ADAMTS3: variants seen among roughly 807,000 people sequenced by gnomAD.
ADAMTS3 encodes the protein A disintegrin and metalloproteinase with thrombospondin motifs 3.
Under a neutral mutation model 129.0 loss-of-function variants are expected in ADAMTS3, and 73 were observed. The ratio of observed to expected loss-of-function variants is 0.57; its 90% CI spans 0.47 to 0.69. The LOEUF (loss-of-function observed/expected upper bound fraction) is 0.69, where lower values mean the gene tolerates loss of function less well. Ranked by LOEUF, ADAMTS3 falls within the 30% of genes least tolerant of loss-of-function variation. The pLI, the probability that ADAMTS3 is intolerant of heterozygous loss-of-function variation, is 0.00. For synonymous variants in ADAMTS3, 477 were observed against 510.8 expected, an observed-to-expected ratio of 0.93 and a Z score of 0.89; for missense variants, 1,457 against 1,514.5, an observed-to-expected ratio of 0.96 and a Z score of 0.63.
rs1427449166 is a variant in ADAMTS3 at position 72,281,307 on chromosome 4, T to C, written c.*1829A>G. On this transcript the variant is annotated 3_prime_UTR_variant, in exon 22 of 22. Transcript: ENST00000286657. ...CTTGCACAAAGTAGCAGCAATTCTT[T>C]AGAGGTATAGAGTCAATAGTTTAAG... is the stretch of plus-strand genomic sequence containing the variant. 1 of 152,608 alleles carries C rather than the reference T, an allele frequency of 6.6e-6. No homozygotes were observed. Among genetic ancestry groups the C allele is most frequent in the Non-Finnish European group, 1.5e-5 (1 of 68,024 alleles). The allele number at this position is 152,608 out of a possible 1,614,324, so 9.5% of individuals were successfully genotyped here. A position where few individuals can be genotyped will look rare whatever the true frequency, so the allele number is the denominator to read the frequency against.
At position 72,450,962 on chromosome 4, in the gene ADAMTS3, AGGC is replaced by A. The variant is rs1227870856; in HGVS notation, c.505-35994_505-35992del. On this transcript the variant is annotated intron_variant, in intron 3 of 21. Transcript: ENST00000286657. ...AAGGAAGGAAGGCAGGCAGGCAGGC[AGGC>A]AAAAAGAAGAGAAGAGAAGAGAAGA... is the stretch of plus-strand genomic sequence containing the variant. 2.5e-3 allele frequency among the ~76,000 whole-genome samples: 377 copies of A among 149,372 alleles called. 2 individuals carry two copies. The highest frequency in any genetic ancestry group is 8.2e-3 in the African/African-American group (336 of 40,896).
intron 3 of ADAMTS3, among the ~76,000 whole-genome samples, chr4:72,521,966 A>T (rs1405639080): frequency 1.3e-5 from 2 of 152,188 alleles, no homozygotes; most frequent in Non-Finnish European, 2.9e-5. Context: ...GCTCTAAAAC[A>T]TCCCATTGAA....
chr4:72,499,671 T>C (rs1719960245), intron 3 of ADAMTS3, among the ~76,000 whole-genome samples: 1 of 152,134 alleles, frequency 6.6e-6, no homozygotes, highest in African/African-American at 2.4e-5. Context: ...TGCAGGTTTG[T>C]TACTTTGGTA....
At chr4:72,516,463 C>A (rs1453626746) in intron 3 of ADAMTS3, among the ~76,000 whole-genome samples, 31 of 152,228 alleles carry the variant, frequency 2.0e-4, no homozygotes, top group East Asian at 1.9e-4. Flanking sequence ...TCTTCCTAAC[C>A]ATGAGCATGG....
At chr4:72,305,855 C>T (rs889275703) in intron 16 of ADAMTS3, 132 bp downstream of exon 16, 69 of 754,402 alleles carry the variant, frequency 9.1e-5, no homozygotes, top group Middle Eastern at 6.8e-4. Context: ...CGTACATATA[C>T]GTATGCACAT....
At chr4:72,486,650 GA>G (rs548139696) in intron 3 of ADAMTS3, among the ~76,000 whole-genome samples, 11 of 152,066 alleles carry the variant, frequency 7.2e-5, no homozygotes, top group African/African-American at 2.7e-4. Context: ...AAATATGAAA[GA>G]AAAAAATAAT....
At chr4:72,530,683 A>C (rs1227086199) in intron 3 of ADAMTS3, among the ~76,000 whole-genome samples, 2 of 87,834 alleles carry the variant, frequency 2.3e-5, no homozygotes, top group Non-Finnish European at 4.1e-5. Context: ...TAATATGTAT[A>C]ATATATATTG....
chr4:72,327,159 A>C (rs1560474034), intron 5 of ADAMTS3, among the ~76,000 whole-genome samples: 1 of 152,174 alleles, frequency 6.6e-6, no homozygotes, highest in Non-Finnish European at 1.5e-5. Flanking sequence ...TCTGATTACA[A>C]AATTACATAG....
chr4:72,476,796 A>G (rs1719246766), intron 3 of ADAMTS3, among the ~76,000 whole-genome samples: 1 of 152,280 alleles, frequency 6.6e-6, no homozygotes, highest in East Asian at 1.9e-4. Context: ...ATATAATGAT[A>G]TAAAAAGAAT....
At position 72,548,674 on chromosome 4, in the gene ADAMTS3, G is replaced by C; in HGVS notation, c.308C>G (p.Ala103Gly). Residue 103 changes from alanine (A) to glycine (G), a missense_variant, in exon 3 of 22, where the codon GCT becomes GGT. Transcript: ENST00000286657. ...LRLKPNTQLV[A>G]PGAVVEWHET... ...ATGCCACTCCACAACAGCCCCAGGAGCTACTAGTTGAGTGTTGGGCTTTAG... is the reference window on the plus strand; with the variant it reads ...ATGCCACTCCACAACAGCCCCAGGACCTACTAGTTGAGTGTTGGGCTTTAG... The C allele has an allele frequency of 6.2e-7, 1 of 1,614,016 alleles. No individual in the cohort carries two copies. The highest frequency in any genetic ancestry group is 8.5e-7 in the Non-Finnish European group (1 of 1,179,930).
intron 3 of ADAMTS3, among the ~76,000 whole-genome samples, chr4:72,435,943 G>A (rs181456267): frequency 0.035 from 5,254 of 151,736 alleles, 307 homozygotes; most frequent in African/African-American, 0.12. Flanking sequence ...ATAGGCATGG[G>A]CAAGGAATTC....
At chr4:72,399,836 T>C (rs1470900966) in intron 4 of ADAMTS3, among the ~76,000 whole-genome samples, 2 of 136,522 alleles carry the variant, frequency 1.5e-5, no homozygotes. Flanking sequence ...CGTGTGTATA[T>C]ATATACACAC....
chr4:72,430,582 C>T (rs1349089766), intron 3 of ADAMTS3, among the ~76,000 whole-genome samples: 1 of 151,952 alleles, frequency 6.6e-6, no homozygotes, highest in Non-Finnish European at 1.5e-5. Context: ...CACACTTGCC[C>T]TCTTGGAATG....
chr4:72,445,941 G>T (rs1387639038), intron 3 of ADAMTS3, among the ~76,000 whole-genome samples: 1 of 151,692 alleles, frequency 6.6e-6, no homozygotes, highest in Non-Finnish European at 1.5e-5. Flanking sequence ...AACTACAAGG[G>T]ATTGAGTACA....
intron 20 of ADAMTS3, among the ~76,000 whole-genome samples, chr4:72,289,325 A>C (rs1017496687): frequency 4.6e-5 from 7 of 152,194 alleles, no homozygotes; most frequent in Non-Finnish European, 7.4e-5. Flanking sequence ...ACCCAATCAT[A>C]GTATTGACAG....
At chr4:72,450,647 C>T (rs988493586) in intron 3 of ADAMTS3, among the ~76,000 whole-genome samples, 2 of 151,630 alleles carry the variant, frequency 1.3e-5, no homozygotes, top group African/African-American at 2.4e-5. Context: ...TAAGAAACTC[C>T]ATGGCAAACT....
intron 3 of ADAMTS3, among the ~76,000 whole-genome samples, chr4:72,470,926 T>C (rs146588228): frequency 2.0e-3 from 312 of 152,292 alleles, no homozygotes; most frequent in African/African-American, 7.1e-3. Flanking sequence ...GTGATATAAA[T>C]AGGAAGTGCA....
intron 4 of ADAMTS3, among the ~76,000 whole-genome samples, chr4:72,394,029 A>C (rs1271470027): frequency 6.6e-6 from 1 of 152,212 alleles, no homozygotes; most frequent in Admixed American, 6.5e-5. Context: ...ATTTTCCCAC[A>C]GGAAGGAACA....
chr4:72,323,589 T>G (rs554201253), intron 5 of ADAMTS3, among the ~76,000 whole-genome samples: 14 of 152,154 alleles, frequency 9.2e-5, no homozygotes, highest in Non-Finnish European at 1.5e-5. Flanking sequence ...TGGTAGTGTA[T>G]CTGAGGGCCA....
Sources: allele counts gnomAD v4.1 joint callset (sites outside exome capture counted in the v4.1 genomes callset), GRCh38; gene constraint gnomAD v4.1.1; transcripts MANE v1.5; gene names NCBI Gene and HGNC (gene_info 2026-07-23, HGNC 2026-07-21).